The following RHPN2 variants were observed in gnomAD, a reference collection of about 807,000 sequenced individuals.
RHPN2 encodes rhophilin-2.
In RHPN2, 40 loss-of-function variants were observed where a neutral mutation model predicts 79.0. The ratio of observed to expected loss-of-function variants is 0.51; its 90% CI spans 0.39 to 0.66. RHPN2 has a LOEUF of 0.66. Ranked by LOEUF, RHPN2 falls within the 30% of genes least tolerant of loss-of-function variation. RHPN2 has a pLI of 0.00. For synonymous variants in RHPN2, 285 were observed against 363.5 expected (o/e 0.78, Z 2.46); for missense variants, 686 against 883.5 (o/e 0.78, Z 2.83).
At chr19:33,043,486 A>G (rs544560992) in intron 2 of RHPN2, among the ~76,000 whole-genome samples, 1 of 152,216 alleles carries the variant, frequency 6.6e-6, no homozygotes, top group Admixed American at 6.5e-5. Flanking sequence ...CAGGAGACAC[A>G]GGTTGCAGTG....
chr19:33,051,990 C>CA (rs1231161092), intron 1 of RHPN2, among the ~76,000 whole-genome samples: 5,191 of 80,768 alleles, frequency 0.064, 236 homozygotes, highest in African/African-American at 0.14. Context: ...GACCCTGTCT[C>CA]AAAAAAAAAA....
At chr19:33,030,832 C>T (rs1972004920) in intron 2 of RHPN2, among the ~76,000 whole-genome samples, 1 of 152,194 alleles carries the variant, frequency 6.6e-6, no homozygotes, top group Admixed American at 6.6e-5. Context: ...GACCCCAGCT[C>T]CCGGCGTAAG....
chr19:33,013,177 T>C (rs1971849497), intron 4 of RHPN2, among the ~76,000 whole-genome samples: 2 of 142,926 alleles, frequency 1.4e-5, no homozygotes. Flanking sequence ...TGCCCGGCCA[T>C]AGTTTTTTTT....
chr19:33,006,128 C>T (rs1360039372), intron 7 of RHPN2, among the ~76,000 whole-genome samples: 1 of 152,100 alleles, frequency 6.6e-6, no homozygotes, highest in Non-Finnish European at 1.5e-5. Flanking sequence ...AATCCACCCA[C>T]CTCAGCCTCC....
At chr19:33,012,422 C>T (rs1971842637) in intron 5 of RHPN2, among the ~76,000 whole-genome samples, 1 of 152,056 alleles carries the variant, frequency 6.6e-6, no homozygotes, top group Admixed American at 6.6e-5. Context: ...GGTGATCCGC[C>T]CACCTCCACA....
chr19:33,050,828 G>A (rs11673329), intron 1 of RHPN2, among the ~76,000 whole-genome samples: 22,756 of 150,140 alleles, frequency 0.15, 1,783 homozygotes, highest in Middle Eastern at 0.23. Context: ...GCAGGCACCC[G>A]CCACCACACC....
In RHPN2 at chr19:33,044,367, G is replaced by A; in HGVS notation, c.70-3C>T. The A allele has an allele frequency of 6.2e-7, 1 of 1,610,838 alleles. No homozygotes were observed. Among genetic ancestry groups the A allele is most frequent in the South Asian group, 1.1e-5 (1 of 91,028 alleles). ...GTTTGTGCAAGGGGATTACAGCCCT[G>A]AGGAAAAATAAGAGATGCCCCTTCA... is the stretch of plus-strand genomic sequence containing the variant. On this transcript the variant is annotated splice_region_variant and splice_polypyrimidine_tract_variant and intron_variant, in intron 1 of 14. Coordinates refer to ENST00000254260, the MANE Select transcript of RHPN2 (RefSeq NM_033103.5).
chr19:33,015,650 A>G (rs1433026453), intron 4 of RHPN2, among the ~76,000 whole-genome samples: 1 of 152,232 alleles, frequency 6.6e-6, no homozygotes, highest in Non-Finnish European at 1.5e-5. Flanking sequence ...TACTAAATTA[A>G]TAAGAATTCA....
chr19:33,007,882 G>A, intron 7 of RHPN2, 132 bp downstream of exon 7: 5 of 1,006,058 alleles, frequency 5.0e-6, no homozygotes, highest in Non-Finnish European at 7.4e-6. Flanking sequence ...TTCTTAATGG[G>A]AAGTTACACC....
rs144004716 is a variant in RHPN2 at position 33,060,216 on chromosome 19, G to A, written c.69+4568C>T. Among the ~76,000 whole-genome samples the A allele has an allele frequency of 1.6e-4, 25 of 152,148 alleles. No individual in the cohort carries two copies. The East Asian group carries it at 3.7e-3, about 22-fold the overall frequency. ...GGTTGGAATGCAGTGGCGTGATCTC[G>A]GCTCACTGCAGCCTCCATCTCCCAG... On this transcript the variant is annotated intron_variant, in intron 1 of 14. Coordinates refer to ENST00000254260, the MANE Select transcript of RHPN2 (RefSeq NM_033103.5).
rs142926519 is a variant in RHPN2, at chr19:33,009,493, T to C, written c.594-1313A>G. 1.8e-3 allele frequency among the ~76,000 whole-genome samples: 277 copies of C among 152,290 alleles called. 1 individual carries two copies. Among genetic ancestry groups the C allele is most frequent in the African/African-American group, 6.3e-3 (260 of 41,568 alleles). On this transcript the variant is annotated intron_variant, in intron 6 of 14. Transcript: ENST00000254260. ...TCAGACAAAGTCTCACTCTGTTGCC[T>C]AGGCTGGAGTGCGGTGGCATGATCA...
intron 1 of RHPN2, among the ~76,000 whole-genome samples, chr19:33,045,767 C>T (rs1972137804): frequency 6.6e-6 from 1 of 152,142 alleles, no homozygotes; most frequent in Non-Finnish European, 1.5e-5. Flanking sequence ...AGCCACCACG[C>T]CCATCAACCA....
At chr19:32,982,492 G>A (rs1406322158) in intron 14 of RHPN2, among the ~76,000 whole-genome samples, 2 of 151,972 alleles carry the variant, frequency 1.3e-5, no homozygotes, top group Admixed American at 6.6e-5. Context: ...GGGGTACTTC[G>A]AGCCCCTAAG....
chr19:33,019,283 A>G (rs1971904049), intron 4 of RHPN2, among the ~76,000 whole-genome samples: 1 of 152,050 alleles, frequency 6.6e-6, no homozygotes, highest in Admixed American at 6.6e-5. Context: ...TGTCTTTACG[A>G]AAAATACAAA....
chr19:32,990,496 G>T lies in RHPN2; in HGVS notation c.1800+18C>A, dbSNP rs1373620396. The T allele has an allele frequency of 6.2e-7, 1 of 1,613,426 alleles. No individual in the cohort carries two copies. Among genetic ancestry groups the T allele is most frequent in the Non-Finnish European group, 8.5e-7 (1 of 1,179,626 alleles). On this transcript the variant is annotated intron_variant, in intron 14 of 14. Coordinates refer to ENST00000254260, the MANE Select transcript of RHPN2 (RefSeq NM_033103.5). ...CTCCACGCCACCACTGACTGCCCAGGGAGGTGTCAGCGCTCACCATGGATG... is the reference window on the plus strand; with the variant it reads ...CTCCACGCCACCACTGACTGCCCAGTGAGGTGTCAGCGCTCACCATGGATG...
At position 33,002,958 on chromosome 19, in the gene RHPN2, C is replaced by T. The variant is rs777996820; in HGVS notation, c.803G>A (p.Ser268Asn). 1 of 1,613,952 alleles carries T rather than the reference C, an allele frequency of 6.2e-7. No individual in the cohort carries two copies. The highest frequency in any genetic ancestry group is 8.5e-7 in the Non-Finnish European group (1 of 1,179,864). The change falls in exon 8 of 15, where the codon AGT (serine) becomes AAT (asparagine). Residue 268 changes from serine (S) to asparagine (N), a missense_variant. Ser to Asn is a conservative substitution (Grantham distance 46). Coordinates refer to ENST00000254260, the MANE Select transcript of RHPN2 (RefSeq NM_033103.5). The stretch of plus-strand genomic sequence containing the variant: ...GAGCATGGCAGGGCTCATGTCGTAA[C>T]TTGGAGTATGGGTAAATGTGTCTTT... ...YLKDTFTHTP[S>N]YDMSPAMLSV...
intron 1 of RHPN2, among the ~76,000 whole-genome samples, chr19:33,057,220 G>A (rs1972241166): frequency 6.6e-6 from 1 of 151,924 alleles, no homozygotes; most frequent in African/African-American, 2.4e-5. Context: ...GCTCATGCCT[G>A]TTGTCCCAGC....
chr19:33,057,096 G>GATGACACA (rs1972239470), intron 1 of RHPN2, among the ~76,000 whole-genome samples: 3 of 150,458 alleles, frequency 2.0e-5, no homozygotes, highest in South Asian at 2.1e-4. Flanking sequence ...CTCCAGCCTG[G>GATGACACA]GCAACAGAGC....
chr19:32,988,213 A>G (rs1952649801), intron 14 of RHPN2, among the ~76,000 whole-genome samples: 1 of 137,148 alleles, frequency 7.3e-6, no homozygotes, highest in African/African-American at 3.1e-5. Flanking sequence ...CAACAACAAC[A>G]AAAAAAAAAA....
Sources: gnomAD v4.1 joint callset for allele counts (sites outside exome capture counted in the v4.1 genomes callset) on GRCh38, gnomAD v4.1.1 for gene constraint, MANE v1.5 for transcripts, NCBI Gene and HGNC (gene_info 2026-07-23, HGNC 2026-07-21) for gene names.